Variants in ZNF341 observed in about 807,000 individuals in gnomAD.
ZNF341 encodes the protein zinc finger protein 341.
ZNF341 carries 52 observed loss-of-function variants against 87.7 expected under a neutral mutation model. The ratio of observed to expected loss-of-function variants is 0.59; its 90% CI spans 0.47 to 0.75. The LOEUF (loss-of-function observed/expected upper bound fraction) is 0.75. ZNF341 is among the 30% of genes least tolerant of loss of function. The probability of loss-of-function intolerance (pLI) is 0.00; values close to 1 mark genes in which losing one functional copy is unlikely to be tolerated. For missense variants in ZNF341, 977 were observed against 1,145.9 expected (o/e 0.85, Z 2.13); for synonymous variants, 459 against 472.7 (o/e 0.97, Z 0.38).
intron 10 of ZNF341, among the ~76,000 whole-genome samples, chr20:33,773,684 A>G (rs1341339347): frequency 6.6e-6 from 1 of 152,228 alleles, no homozygotes; most frequent in African/African-American, 2.4e-5. Context: ...TAGGTACTCA[A>G]TAAATGTTAT....
At chr20:33,752,116 C>CG (rs1601247071) in intron 4 of ZNF341, 1 of 389,454 alleles carries the variant, frequency 2.6e-6, no homozygotes, top group South Asian at 2.0e-5. Context: ...AAGCCCCCCC[C>CG]CCTTTTTTTT....
chr20:33,752,107 A>ACC, intron 4 of ZNF341: 1 of 378,476 alleles, frequency 2.6e-6, no homozygotes, highest in Non-Finnish European at 5.0e-6. Flanking sequence ...GCTGCAAGCA[A>ACC]GCCCCCCCCC....
Position 33,766,857 on chromosome 20 carries a change from G to T in ZNF341, c.1229G>T (p.Gly410Val). The change falls in exon 9 of 15, where the codon GGC becomes GTC. Residue 410 changes from glycine (G) to valine (V), a missense_variant. Physicochemically the swap from Gly to Val is moderately radical, Grantham distance 109. Around this residue, in one of 3 missense-constraint regions of ZNF341, gnomAD observed 515 missense variants for 598.2 expected, o/e 0.86. Transcript: ENST00000375200. ...RQEDEESTGL[G>V]QPLPGAPQPQ... ...TCCCTGGCTTTCTCCACAGGGTTGG[G>T]CCAGCCCCTGCCGGGTGCGCCACAG... is the stretch of plus-strand genomic sequence containing the variant. 1 of 1,608,230 alleles carries T rather than the reference G, an allele frequency of 6.2e-7. No homozygotes were observed.
chr20:33,770,284 C>T lies in ZNF341; in HGVS notation c.1614C>T (p.Ala538=), dbSNP rs539483615. The part of the protein sequence containing the change: ...LPQHSPKKDN[A]VYKCVKCVNK... ...AGCACAGCCCCAAGAAGGACAATGC[C>T]GTCTACAAGTAAGTGCCTCCTGCTT... The change falls in exon 10 of 15, where the codon GCC becomes GCT. Residue 538 remains alanine (A), a synonymous_variant. Transcript: ENST00000375200. 13 of 1,377,120 alleles carry T rather than the reference C, an allele frequency of 9.4e-6. No homozygotes were observed. The highest frequency in any genetic ancestry group is 3.0e-5 in the African/African-American group (2 of 66,662). 85.3% of individuals were successfully genotyped at this position (1,377,120 alleles called of 1,614,324 possible).
intron 10 of ZNF341, among the ~76,000 whole-genome samples, chr20:33,778,386 C>G (rs767532952): frequency 6.6e-6 from 1 of 151,992 alleles, no homozygotes; most frequent in Non-Finnish European, 1.5e-5. Context: ...CTTGGCTCAC[C>G]GCAACCTCTG....
intron 12 of ZNF341, among the ~76,000 whole-genome samples, chr20:33,784,997 G>A (rs998419024): frequency 6.6e-6 from 1 of 152,104 alleles, no homozygotes; most frequent in Non-Finnish European, 1.5e-5. Flanking sequence ...TGAACAAAAC[G>A]CCATCTCCTT....
intron 3 of ZNF341, among the ~76,000 whole-genome samples, chr20:33,746,162 C>T (rs969767142): frequency 6.6e-6 from 1 of 150,680 alleles, no homozygotes; most frequent in African/African-American, 2.4e-5. Flanking sequence ...ATCTCCTGAC[C>T]TCGTGATCTG....
rs760881517 is a variant in ZNF341, at chr20:33,753,342, G to A, written c.660G>A (p.Val220=). The change falls in exon 5 of 15, where the codon GTG becomes GTA. Residue 220 remains valine, a synonymous_variant. Coordinates refer to ENST00000375200, the MANE Select transcript of ZNF341 (RefSeq NM_001282933.2). ...PNPGGNGVVE[V]YSAAAPLAGS... is the part of the protein sequence containing the mutation. ...CTGGTGGGAACGGTGTGGTGGAGGTGTACAGTGCTGCTGCGCCCCTGGCTG... is the reference window on the plus strand; with the variant it reads ...CTGGTGGGAACGGTGTGGTGGAGGTATACAGTGCTGCTGCGCCCCTGGCTG... 6.2e-7 allele frequency: 1 copy of A among 1,609,588 alleles called. No individual in the cohort carries two copies. The highest frequency in any genetic ancestry group is 2.2e-5 in the East Asian group (1 of 44,738).
At chr20:33,769,233 A>G (rs1039591103) in intron 9 of ZNF341, among the ~76,000 whole-genome samples, 20 of 152,240 alleles carry the variant, frequency 1.3e-4, no homozygotes, top group African/African-American at 4.3e-4. Flanking sequence ...GGCCGGCTAT[A>G]GGCAGGCTCC....
rs187210470 is a variant in ZNF341 at position 33,781,311 on chromosome 20, A to G, written c.1643A>G (p.Lys548Arg). ...AVYKCVKCVN[K>R]YSTPEALEHH... is the part of the protein sequence containing the mutation. ...CTTAGGTGTGTCAAATGTGTCAACA[A>G]ATACTCCACCCCTGAGGCCCTGGAG... is the stretch of plus-strand genomic sequence containing the variant. The change falls in exon 11 of 15, where the codon AAA becomes AGA. Residue 548 changes from lysine (K) to arginine (R), a missense_variant. Transcript: ENST00000375200. 1 of 1,613,962 alleles carries G rather than the reference A, an allele frequency of 6.2e-7. No individual in the cohort carries two copies. The highest frequency in any genetic ancestry group is 1.7e-5 in the Admixed American group (1 of 59,970).
At chr20:33,776,190 G>A (rs2019623117) in intron 10 of ZNF341, among the ~76,000 whole-genome samples, 1 of 149,130 alleles carries the variant, frequency 6.7e-6, no homozygotes, top group African/African-American at 2.5e-5. Flanking sequence ...AGTCTCAGGT[G>A]ATTCTCCCAC....
At chr20:33,762,079 T>C in intron 8 of ZNF341, 24 bp downstream of exon 8, 1 of 1,505,326 alleles carries the variant, frequency 6.6e-7, no homozygotes, top group Non-Finnish European at 9.0e-7. Context: ...GGGAACGCCA[T>C]GCTTCCCACA....
At chr20:33,740,653 C>T (rs948121575) in intron 1 of ZNF341, among the ~76,000 whole-genome samples, 8 of 152,136 alleles carry the variant, frequency 5.3e-5, no homozygotes, top group Non-Finnish European at 1.5e-5. Context: ...CACAGGCATG[C>T]ACCACCAAGC....
intron 1 of ZNF341, among the ~76,000 whole-genome samples, chr20:33,733,331 T>A (rs1437305115): frequency 6.6e-6 from 1 of 151,682 alleles, no homozygotes; most frequent in Non-Finnish European, 1.5e-5. Flanking sequence ...GCCATTCTTC[T>A]GCTTCTTCTG....
chr20:33,764,563 T>TATA (rs2019365740), intron 8 of ZNF341, among the ~76,000 whole-genome samples: 6 of 48,830 alleles, frequency 1.2e-4, no homozygotes, highest in East Asian at 2.0e-3. Flanking sequence ...ATATATATAT[T>TATA]TTTTTTTTTT....
rs767191039 is a variant in ZNF341 at position 33,791,319 on chromosome 20, C to T, written c.2367C>T (p.Pro789=). The stretch of plus-strand genomic sequence containing the variant: ...CTGGGCTGGTGCCCGAGGCTGTCCC[C>T]GGCAAGCCGCCCTTCGCAGAGCCGG... The part of the protein sequence containing the change: ...TGAGLVPEAV[P]GKPPFAEPDA... Residue 789 remains proline (P), a synonymous_variant, in exon 15 of 15, where the codon CCC becomes CCT. Transcript: ENST00000375200. The T allele has an allele frequency of 4.1e-5, 66 of 1,611,564 alleles. No individual in the cohort carries two copies. The Middle Eastern group carries it at 4.9e-4, about 12-fold the overall frequency.
rs1251101365 is a variant in ZNF341, at chr20:33,732,344, AG to A, written c.31+295del. Among the ~76,000 whole-genome samples the A allele has an allele frequency of 1.3e-5, 2 of 150,308 alleles. No homozygotes were observed. Among genetic ancestry groups the A allele is most frequent in the Non-Finnish European group, 1.5e-5 (1 of 67,406 alleles). ...GGCGGGCGCGGGAGGGGCTCCCTGC[AG>A]GGAACTGCGCGGGAGGCGACGGCGG... is the stretch of plus-strand genomic sequence containing the variant. On this transcript the variant is annotated intron_variant, in intron 1 of 14. Transcript: ENST00000375200. The surrounding 1 kb of genome is among the most constrained non-coding windows in gnomAD (Gnocchi z 4.5).
intron 11 of ZNF341, among the ~76,000 whole-genome samples, chr20:33,783,212 A>G (rs944856074): frequency 2.0e-5 from 3 of 152,110 alleles, no homozygotes; most frequent in Non-Finnish European, 4.4e-5. Context: ...AGATTTCTTT[A>G]GTAATTTGCT....
intron 10 of ZNF341, among the ~76,000 whole-genome samples, chr20:33,772,908 G>A (rs1350416896): frequency 6.6e-6 from 1 of 152,204 alleles, no homozygotes; most frequent in African/African-American, 2.4e-5. Flanking sequence ...TGGGGCAAGA[G>A]AGGCAGGGAA....
Sources: allele counts gnomAD v4.1 joint callset (sites outside exome capture counted in the v4.1 genomes callset), GRCh38; gene constraint gnomAD v4.1.1; regional missense constraint gnomAD v4.1.1; non-coding constraint Gnocchi (gnomAD v3.1); transcripts MANE v1.5; gene names NCBI Gene and HGNC (gene_info 2026-07-23, HGNC 2026-07-21).